The following OBI1 variants were observed in gnomAD, a reference collection of about 807,000 sequenced individuals.
The protein encoded by OBI1 is ORC ubiquitin ligase 1.
Under a neutral mutation model 62.4 loss-of-function variants are expected in OBI1, and 59 were observed. The ratio of observed to expected loss-of-function variants is 0.95; its 90% confidence interval spans 0.77 to 1.17. The LOEUF is 1.17. OBI1 is among the 50% of genes most tolerant of loss of function. OBI1 has a pLI of 0.00. For missense variants in OBI1, 875 were observed against 830.9 expected (o/e 1.05, Z -0.65); for synonymous variants, 302 against 292.8 (o/e 1.03, Z -0.32).
intron 5 of OBI1, among the ~76,000 whole-genome samples, chr13:78,629,457 T>C (rs1383597961): frequency 2.0e-5 from 3 of 152,044 alleles, no homozygotes; most frequent in Non-Finnish European, 4.4e-5. Context: ...TGACATAGCA[T>C]GATCCCTGCC....
chr13:78,617,203 C>CCTG, intron 5 of OBI1, 81 bp from the exon 6 acceptor site: 1 of 1,111,604 alleles, frequency 9.0e-7, no homozygotes, highest in Non-Finnish European at 1.3e-6. Flanking sequence ...CTGTCCCAGG[C>CCTG]TATTCTAATT....
At chr13:78,657,378 T>TA (rs1306795688) in intron 1 of OBI1, among the ~76,000 whole-genome samples, 1 of 151,894 alleles carries the variant, frequency 6.6e-6, no homozygotes, top group Admixed American at 6.6e-5. Flanking sequence ...GTAATAATGA[T>TA]AGAGGTTCAA....
In OBI1 at chr13:78,640,707, G is replaced by A. The variant is rs542460292; in HGVS notation, c.300+1415C>T. ...CCCAGCTACTTGAGAGGCTGAGGCAGGAGAATTGCTTGAACCCAGGAGGCG... is the reference window on the plus strand; with the variant it reads ...CCCAGCTACTTGAGAGGCTGAGGCAAGAGAATTGCTTGAACCCAGGAGGCG... On this transcript the variant is annotated intron_variant, in intron 3 of 5. Coordinates refer to ENST00000282003, the MANE Select transcript of OBI1 (RefSeq NM_024546.4). 5.3e-5 allele frequency among the ~76,000 whole-genome samples: 8 copies of A among 152,272 alleles called. No individual in the cohort carries two copies. In the East Asian group the frequency reaches 1.3e-3, roughly 26 times the overall value.
At chr13:78,633,810 G>A (rs1326660851) in intron 5 of OBI1, among the ~76,000 whole-genome samples, 1 of 152,134 alleles carries the variant, frequency 6.6e-6, no homozygotes, top group African/African-American at 2.4e-5. Flanking sequence ...GCTCACGCCT[G>A]TAATCCCAGC....
At chr13:78,630,659 T>C (rs1012435614) in intron 5 of OBI1, among the ~76,000 whole-genome samples, 9 of 152,122 alleles carry the variant, frequency 5.9e-5, no homozygotes, top group Non-Finnish European at 1.3e-4. Flanking sequence ...CAAAGCTCCT[T>C]TGTCCTTTCT....
intron 1 of OBI1, among the ~76,000 whole-genome samples, chr13:78,645,263 A>G (rs1307188203): frequency 2.0e-5 from 3 of 152,138 alleles, no homozygotes; most frequent in Admixed American, 6.6e-5. Flanking sequence ...CACAGAATTC[A>G]TGCCAAAAAG....
At position 78,642,136 on chromosome 13, in the gene OBI1, GTA is replaced by G. The variant is rs1876234577; in HGVS notation, c.284_285del (p.Leu95ProfsTer5). 1 of 1,590,616 alleles carries G rather than the reference GTA, an allele frequency of 6.3e-7. No homozygotes were observed. Among genetic ancestry groups the G allele is most frequent in the Non-Finnish European group, 8.6e-7 (1 of 1,159,468 alleles). On this transcript the variant is annotated frameshift_variant, in exon 3 of 6. Transcript: ENST00000282003. LOFTEE classifies it high-confidence loss of function. Reference sequence around the variant, plus strand: ...TTACTGTTTACCTCATATTCTTTGTGTAGTAATTCAAGTCTAGTTTTCCGAAG... The same window carrying G: ...TTACTGTTTACCTCATATTCTTTGTGGTAATTCAAGTCTAGTTTTCCGAAG... ...KHLRKTRLEL[L>X]HKEYEDEIDC...
intron 1 of OBI1, among the ~76,000 whole-genome samples, chr13:78,650,267 A>G (rs1876508699): frequency 1.3e-5 from 2 of 152,350 alleles, no homozygotes; most frequent in Non-Finnish European, 1.5e-5. Context: ...AGCGGTAATG[A>G]TAACAGTGAA....
intron 3 of OBI1, among the ~76,000 whole-genome samples, chr13:78,640,628 G>A (rs374157401): frequency 6.6e-6 from 1 of 151,794 alleles, no homozygotes; most frequent in East Asian, 1.9e-4. Context: ...ATGAAACCTC[G>A]CCTCTACTAA....
intron 1 of OBI1, among the ~76,000 whole-genome samples, chr13:78,649,692 C>T (rs1566286722): frequency 6.6e-6 from 1 of 152,018 alleles, no homozygotes; most frequent in Non-Finnish European, 1.5e-5. Flanking sequence ...GGTATTACAG[C>T]GATAGGCAAC....
chr13:78,618,678 G>C (rs1373574990), intron 5 of OBI1, among the ~76,000 whole-genome samples: 1 of 152,136 alleles, frequency 6.6e-6, no homozygotes, highest in African/African-American at 2.4e-5. Context: ...CCCCCAGAGA[G>C]AGCACGCTCC....
intron 5 of OBI1, chr13:78,617,414 G>T (rs772499888): frequency 7.5e-5 from 21 of 281,462 alleles, no homozygotes; most frequent in Non-Finnish European, 1.2e-4. Flanking sequence ...CGAAGAGCTG[G>T]CTGTATCAAT....
intron 1 of OBI1, among the ~76,000 whole-genome samples, chr13:78,656,447 T>C (rs1876703422): frequency 6.6e-6 from 1 of 152,012 alleles, no homozygotes; most frequent in South Asian, 2.1e-4. Context: ...CCGGGCGTGG[T>C]GGCGCATGCC....
chr13:78,634,292 A>G (rs1875955569), intron 5 of OBI1, among the ~76,000 whole-genome samples: 1 of 151,506 alleles, frequency 6.6e-6, no homozygotes, highest in Non-Finnish European at 1.5e-5. Context: ...AGGTCAAATG[A>G]TATTTCTTTT....
chr13:78,616,601 G>A lies in OBI1; in HGVS notation c.1160C>T (p.Pro387Leu), dbSNP rs1027252159. ...AAGGGACAAAGGAGTACAAGGAGCT[G>A]GAAGATCATAAAGTTCTTCATCTTT... ...PYKDEELYDL[P>L]APCTPLSLSC... The change falls in exon 6 of 6, where the codon CCA becomes CTA. Residue 387 changes from proline to leucine, a missense_variant. By Grantham distance (98) the Pro-to-Leu change is moderately conservative. Coordinates refer to ENST00000282003, the MANE Select transcript of OBI1 (RefSeq NM_024546.4). 3 of 1,614,114 alleles carry A rather than the reference G, an allele frequency of 1.9e-6. No individual in the cohort carries two copies. Among genetic ancestry groups the A allele is most frequent in the South Asian group, 1.1e-5 (1 of 91,066 alleles).
intron 2 of OBI1, among the ~76,000 whole-genome samples, chr13:78,644,092 T>C (rs1160461362): frequency 1.3e-5 from 2 of 152,224 alleles, no homozygotes; most frequent in African/African-American, 4.8e-5. Flanking sequence ...GAATTTGTTT[T>C]CACCCTTAAT....
Position 78,616,700 on chromosome 13 carries a change from T to G in OBI1, c.1061A>C (p.Asp354Ala), listed in dbSNP as rs201360282. Residue 354 changes from aspartate (D) to alanine (A), a missense_variant, in exon 6 of 6, where the codon GAT becomes GCT. Transcript: ENST00000282003. ...LYQEQVEVML[D>A]VTDTSMDTYL... ...AGTATCCATACTTGTATCTGTCACA[T>G]CTAACATTACTTCTACCTGTTCTTG... The G allele has an allele frequency of 3.1e-6, 5 of 1,614,192 alleles. No homozygotes were observed. The African/African-American group carries it at 6.7e-5, about 22-fold the overall frequency.
intron 5 of OBI1, among the ~76,000 whole-genome samples, chr13:78,629,219 G>A (rs1375565806): frequency 6.6e-6 from 1 of 152,060 alleles, no homozygotes; most frequent in Non-Finnish European, 1.5e-5. Context: ...TTGCTGTACA[G>A]TAAAATGAAC....
rs77003548 is a variant in OBI1 at position 78,642,239 on chromosome 13, A to T, written c.209-26T>A. ...CTGTAGGGAAAAAAAAAAAAATCCT[A>T]ATTTTTCATTCTGATTCGGGAAGAA... On this transcript the variant is annotated intron_variant, in intron 2 of 5. Coordinates refer to ENST00000282003, the MANE Select transcript of OBI1 (RefSeq NM_024546.4). 263 of 1,339,154 alleles carry T rather than the reference A, an allele frequency of 2.0e-4. 1 individual carries two copies. In the East Asian group the frequency reaches 5.5e-3, roughly 28 times the overall value. The allele number at this position is 1,339,154 out of a possible 1,614,324, so 83.0% of individuals were successfully genotyped here.
Sources: gnomAD v4.1 joint callset for allele counts (sites outside exome capture counted in the v4.1 genomes callset) on GRCh38, gnomAD v4.1.1 for gene constraint, MANE v1.5 for transcripts, NCBI Gene and HGNC (gene_info 2026-07-23, HGNC 2026-07-21) for gene names.